The following VKORC1L1 variants were observed in gnomAD, a reference collection of about 807,000 sequenced individuals.
The protein encoded by VKORC1L1 is vitamin K epoxide reductase complex subunit 1L1.
VKORC1L1 carries 2 observed loss-of-function variants against 18.9 expected under a neutral mutation model. The observed-to-expected ratio is 0.11, with a 90% CI of 0.04 to 0.33. The LOEUF (loss-of-function observed/expected upper bound fraction) is 0.33, where lower values mean the gene tolerates loss of function less well. Among genes scored for constraint, VKORC1L1 ranks in the 10% least tolerant of loss-of-function variants. The pLI, the probability that VKORC1L1 is intolerant of heterozygous loss-of-function variation, is 1.00. For synonymous variants in VKORC1L1, 96 were observed against 100.0 expected (o/e 0.96, Z 0.24); for missense variants, 123 against 224.1 (o/e 0.55, Z 2.88).
At chr7:65,877,163 G>A (rs1429465418) in intron 1 of VKORC1L1, among the ~76,000 whole-genome samples, 3 of 152,224 alleles carry the variant, frequency 2.0e-5, no homozygotes, top group African/African-American at 7.2e-5. Flanking sequence ...ATTGATTGGA[G>A]ATGTTCTTTT....
At chr7:65,912,173 C>CTAAT (rs1211243698) in intron 1 of VKORC1L1, among the ~76,000 whole-genome samples, 1 of 152,180 alleles carries the variant, frequency 6.6e-6, no homozygotes, top group African/African-American at 2.4e-5. Context: ...GTATTGCACT[C>CTAAT]TAATTTTCAA....
chr7:65,894,018 G>A (rs1397482214), intron 1 of VKORC1L1, among the ~76,000 whole-genome samples: 2 of 151,704 alleles, frequency 1.3e-5, no homozygotes, highest in Non-Finnish European at 2.9e-5. Context: ...GCAATGGTGC[G>A]ATCTCGGCTC....
At chr7:65,953,016 C>G (rs2115753495) in intron 2 of VKORC1L1, among the ~76,000 whole-genome samples, 1 of 152,028 alleles carries the variant, frequency 6.6e-6, no homozygotes, top group Middle Eastern at 3.4e-3. Context: ...AGGCTGGTCT[C>G]AAATTCCTGA....
chr7:65,913,852 T>C (rs1169010812), intron 1 of VKORC1L1, among the ~76,000 whole-genome samples: 1 of 152,062 alleles, frequency 6.6e-6, no homozygotes, highest in Non-Finnish European at 1.5e-5. Flanking sequence ...GGAAAATTTC[T>C]GAGTAGTTCT....
intron 1 of VKORC1L1, among the ~76,000 whole-genome samples, chr7:65,888,378 G>GT (rs1449232159): frequency 3.3e-5 from 5 of 152,246 alleles, no homozygotes; most frequent in African/African-American, 1.2e-4. Flanking sequence ...TGGAAATGTT[G>GT]TTTTTTTGGA....
chr7:65,883,136 C>CTTTTTT (rs34906605), intron 1 of VKORC1L1, among the ~76,000 whole-genome samples: 10 of 109,580 alleles, frequency 9.1e-5, no homozygotes, highest in African/African-American at 2.0e-4. Flanking sequence ...TACATTTGAG[C>CTTTTTT]TTTTTTTTTT....
chr7:65,875,411 G>A (rs1788809933), intron 1 of VKORC1L1, among the ~76,000 whole-genome samples: 1 of 151,936 alleles, frequency 6.6e-6, no homozygotes, highest in South Asian at 2.1e-4. Flanking sequence ...TTGTCAAGCT[G>A]AAAGACACTT....
intron 1 of VKORC1L1, among the ~76,000 whole-genome samples, chr7:65,901,638 G>T (rs1789318829): frequency 6.6e-6 from 1 of 152,174 alleles, no homozygotes; most frequent in Admixed American, 6.6e-5. Flanking sequence ...ACAGAGCATG[G>T]TGTCTTAGAA....
chr7:65,940,556 C>T (rs559970249), intron 1 of VKORC1L1, among the ~76,000 whole-genome samples: 5 of 152,190 alleles, frequency 3.3e-5, no homozygotes, highest in East Asian at 1.9e-4. Context: ...AGTCTTAGGA[C>T]GACAGCTGCA....
chr7:65,941,295 A>G (rs557773622), intron 1 of VKORC1L1, among the ~76,000 whole-genome samples: 1 of 151,622 alleles, frequency 6.6e-6, no homozygotes, highest in East Asian at 2.0e-4. Flanking sequence ...TTCTTTTTTT[A>G]GGTAGCGACA....
At chr7:65,877,451 G>A (rs1270225088) in intron 1 of VKORC1L1, among the ~76,000 whole-genome samples, 1 of 151,862 alleles carries the variant, frequency 6.6e-6, no homozygotes, top group Non-Finnish European at 1.5e-5. Context: ...GGGTTCAAGC[G>A]ATTCTCCTAC....
rs541759130 is a variant in VKORC1L1 at position 65,890,392 on chromosome 7, A to C, written c.194+16827A>C. ...GTGATCCGCCTGCCTCGGCCTCCCA[A>C]AATGCTGGGATTACAGGCGTGAGCC... On this transcript the variant is annotated intron_variant, in intron 1 of 2. Coordinates refer to ENST00000360768, the MANE Select transcript of VKORC1L1 (RefSeq NM_173517.6). Among the ~76,000 whole-genome samples, 3 of 152,114 alleles carry C rather than the reference A, an allele frequency of 2.0e-5. No individual in the cohort carries two copies. The East Asian group carries it at 5.8e-4, about 29-fold the overall frequency.
intron 1 of VKORC1L1, among the ~76,000 whole-genome samples, chr7:65,923,335 G>T (rs547486313): frequency 8.5e-5 from 13 of 152,152 alleles, no homozygotes; most frequent in Middle Eastern, 3.4e-3. Context: ...GCCTGGGGAG[G>T]TCGAGGCTGC....
At chr7:65,895,471 AAAAAAAAAAATATATATATATATAT>A (rs1789180717) in intron 1 of VKORC1L1, among the ~76,000 whole-genome samples, 2 of 56,018 alleles carry the variant, frequency 3.6e-5, no homozygotes, top group Admixed American at 2.4e-4. Context: ...AAAAAAAAAA[AAAAAAAAAAATATATATATATATAT>A]ATATATATAT....
intron 1 of VKORC1L1, among the ~76,000 whole-genome samples, chr7:65,947,910 C>T (rs1217772033): frequency 6.6e-6 from 1 of 152,082 alleles, no homozygotes; most frequent in Non-Finnish European, 1.5e-5. Flanking sequence ...AGCCTGGTCT[C>T]GAACTCTTGA....
intron 1 of VKORC1L1, among the ~76,000 whole-genome samples, chr7:65,915,414 CTTT>C (rs77683293): frequency 1.5e-5 from 2 of 132,678 alleles, no homozygotes; most frequent in Admixed American, 7.7e-5. Flanking sequence ...TTTCTGAACT[CTTT>C]TTTTTTTTTT....
chr7:65,937,038 G>A (rs781395986), intron 1 of VKORC1L1, among the ~76,000 whole-genome samples: 2 of 152,250 alleles, frequency 1.3e-5, no homozygotes, highest in Non-Finnish European at 2.9e-5. Flanking sequence ...GTGAAAGTAC[G>A]CTGTCATCAT....
chr7:65,953,084 A>G (rs895188740), intron 2 of VKORC1L1, among the ~76,000 whole-genome samples: 4 of 151,946 alleles, frequency 2.6e-5, no homozygotes, highest in Non-Finnish European at 5.9e-5. Flanking sequence ...GGCATGAGCC[A>G]CTGTGCGTGG....
At chr7:65,917,586 T>C (rs553697445) in intron 1 of VKORC1L1, among the ~76,000 whole-genome samples, 33 of 152,196 alleles carry the variant, frequency 2.2e-4, no homozygotes, top group African/African-American at 7.7e-4. Context: ...TATGAAAATA[T>C]GAAACATACA....
Sources: allele counts gnomAD v4.1 joint callset (sites outside exome capture counted in the v4.1 genomes callset), GRCh38; gene constraint gnomAD v4.1.1; transcripts MANE v1.5; gene names NCBI Gene and HGNC (gene_info 2026-07-23, HGNC 2026-07-21).